CCDC91: variants seen among roughly 807,000 people sequenced by gnomAD.
CCDC91 encodes the protein coiled-coil domain containing 91.
Under a neutral mutation model 63.2 loss-of-function variants are expected in CCDC91, and 48 were observed. That is an observed-to-expected ratio of 0.76 (90% CI 0.60 to 0.97). The LOEUF is 0.97. Ranked by LOEUF, CCDC91 falls within the 50% of genes least tolerant of loss-of-function variation. CCDC91 has a pLI of 0.00. For synonymous variants in CCDC91, 167 were observed against 165.8 expected (o/e 1.01, Z -0.06); for missense variants, 500 against 494.6 (o/e 1.01, Z -0.10).
intron 12 of CCDC91, among the ~76,000 whole-genome samples, chr12:28,496,995 TATC>T (rs1952335729): frequency 6.7e-6 from 1 of 148,838 alleles, no homozygotes; most frequent in Admixed American, 6.8e-5. Flanking sequence ...TGATTAAACT[TATC>T]ATTGTGTTAA....
At chr12:28,537,881 T>A (rs1942302573) in intron 12 of CCDC91, among the ~76,000 whole-genome samples, 1 of 152,154 alleles carries the variant, frequency 6.6e-6, no homozygotes, top group Admixed American at 6.5e-5. Context: ...CTTGGCTATT[T>A]CCAGCTGGGA....
At chr12:28,194,411 T>TA (rs1941559777) in intron 1 of CCDC91, among the ~76,000 whole-genome samples, 1 of 152,188 alleles carries the variant, frequency 6.6e-6, no homozygotes, top group Non-Finnish European at 1.5e-5. Context: ...CAGTGAGTGT[T>TA]ACAGTTCTTG....
intron 6 of CCDC91, among the ~76,000 whole-genome samples, chr12:28,332,510 C>A (rs1941595617): frequency 6.6e-6 from 1 of 152,080 alleles, no homozygotes; most frequent in African/African-American, 2.4e-5. Flanking sequence ...CTGTATATTA[C>A]CTTTCATAGG....
chr12:28,248,117 G>A (rs1288935365), intron 1 of CCDC91, among the ~76,000 whole-genome samples: 2 of 152,128 alleles, frequency 1.3e-5, no homozygotes, highest in African/African-American at 2.4e-5. Flanking sequence ...TATATATGGG[G>A]TGAGAGAGAG....
chr12:28,196,712 A>G (rs1358584957), intron 1 of CCDC91, among the ~76,000 whole-genome samples: 2 of 152,226 alleles, frequency 1.3e-5, no homozygotes, highest in Non-Finnish European at 2.9e-5. Flanking sequence ...TGATTACAGT[A>G]GAAAGTTGGA....
rs78364236 is a variant in CCDC91 at position 28,419,531 on chromosome 12, A to G, written c.762+28120A>G. 1.8e-4 allele frequency among the ~76,000 whole-genome samples: 28 copies of G among 152,312 alleles called. No homozygotes were observed. The East Asian group carries it at 4.8e-3, about 26-fold the overall frequency. ...ATAAAAAGTAAGCAGATGTAGCAGT[A>G]TTAGCAAAATGGCTACTTTTGTCTA... On this transcript the variant is annotated intron_variant, in intron 8 of 12. Transcript: ENST00000536442.
chr12:28,239,842 G>A (rs1264846167), intron 1 of CCDC91, among the ~76,000 whole-genome samples: 1 of 152,042 alleles, frequency 6.6e-6, no homozygotes, highest in Admixed American at 6.6e-5. Flanking sequence ...AGTACTAGAA[G>A]GAGATAAGAT....
At chr12:28,454,930 C>T (rs574408407) in intron 11 of CCDC91, among the ~76,000 whole-genome samples, 1 of 152,130 alleles carries the variant, frequency 6.6e-6, no homozygotes, top group African/African-American at 2.4e-5. Flanking sequence ...TTTGTGCATG[C>T]GTCGTTGTAA....
chr12:28,482,239 G>A (rs1388584995), intron 11 of CCDC91, among the ~76,000 whole-genome samples: 1 of 151,724 alleles, frequency 6.6e-6, no homozygotes, highest in Non-Finnish European at 1.5e-5. Context: ...ATTTGCAAGT[G>A]TGAAGTCTAT....
rs879774391 is a variant in CCDC91, at chr12:28,315,806, G to GT, written c.576+8069dup. ...TTTGTGCCCTCAACAGGTAATTCCT[G>GT]TTTTTTTTTTTTAATCCTTGTAGAA... On this transcript the variant is annotated intron_variant, in intron 6 of 12. Coordinates refer to ENST00000536442, the MANE Select transcript of CCDC91 (RefSeq NM_018318.5). 2.2e-3 allele frequency among the ~76,000 whole-genome samples: 317 copies of GT among 143,208 alleles called. 1 individual carries two copies. The highest frequency in any genetic ancestry group is 5.2e-3 in the African/African-American group (204 of 39,306). 94.0% of individuals were successfully genotyped at this position (143,208 alleles called of 152,430 possible).
At chr12:28,510,338 G>C (rs1939239723) in intron 12 of CCDC91, among the ~76,000 whole-genome samples, 1 of 151,534 alleles carries the variant, frequency 6.6e-6, no homozygotes, top group Admixed American at 6.6e-5. Flanking sequence ...CAATAAGCTG[G>C]AAACCCAGGA....
intron 1 of CCDC91, chr12:28,225,980 A>G (rs1052439453): frequency 3.3e-5 from 5 of 152,240 alleles, no homozygotes; most frequent in African/African-American, 1.2e-4. Context: ...GTGAAGCTAA[A>G]TATAGGAGGC....
chr12:28,283,916 G>C (rs1948754462), intron 3 of CCDC91, among the ~76,000 whole-genome samples: 1 of 152,154 alleles, frequency 6.6e-6, no homozygotes, highest in African/African-American at 2.4e-5. Flanking sequence ...TGCACAATCT[G>C]TGTTAGTAAT....
intron 1 of CCDC91, among the ~76,000 whole-genome samples, chr12:28,219,718 C>T (rs1943809741): frequency 6.6e-6 from 1 of 152,140 alleles, no homozygotes. Flanking sequence ...CATGGTCCTC[C>T]TGCCTTGGCC....
intron 3 of CCDC91, among the ~76,000 whole-genome samples, chr12:28,284,973 A>C (rs1948827110): frequency 6.6e-6 from 1 of 152,224 alleles, no homozygotes; most frequent in Non-Finnish European, 1.5e-5. Flanking sequence ...TTTTTGAGGA[A>C]TATTCTCTAA....
chr12:28,366,303 C>A (rs1302933417), intron 7 of CCDC91, among the ~76,000 whole-genome samples: 1 of 152,202 alleles, frequency 6.6e-6, no homozygotes, highest in South Asian at 2.1e-4. Context: ...CCCTTTTTGT[C>A]CCACTAAAGC....
At chr12:28,367,443 A>C (rs866752358) in intron 7 of CCDC91, among the ~76,000 whole-genome samples, 1 of 152,332 alleles carries the variant, frequency 6.6e-6, no homozygotes, top group Middle Eastern at 3.4e-3. Flanking sequence ...CAATTCGAAC[A>C]GTATAGAGAA....
intron 12 of CCDC91, among the ~76,000 whole-genome samples, chr12:28,488,847 A>G (rs1475159454): frequency 6.6e-6 from 1 of 152,002 alleles, no homozygotes. Flanking sequence ...TTTTATTAAA[A>G]TGTAAATTTT....
chr12:28,295,658 A>G lies in CCDC91; in HGVS notation c.110-9991A>G, dbSNP rs184478854. 1.3e-5 allele frequency among the ~76,000 whole-genome samples: 2 copies of G among 152,238 alleles called. 1 individual carries two copies. The highest frequency in any genetic ancestry group is 4.8e-5 in the African/African-American group (2 of 41,576). On this transcript the variant is annotated intron_variant, in intron 3 of 12. Transcript: ENST00000536442. Reference sequence around the variant, plus strand: ...GCTACTCTACGATTGTATTTTGAATAAGTGATTAGATAAATGAGTCCAATA... The same window carrying G: ...GCTACTCTACGATTGTATTTTGAATGAGTGATTAGATAAATGAGTCCAATA...
Sources: allele counts gnomAD v4.1 joint callset (sites outside exome capture counted in the v4.1 genomes callset), GRCh38; gene constraint gnomAD v4.1.1; transcripts MANE v1.5; gene names NCBI Gene and HGNC (gene_info 2026-07-23, HGNC 2026-07-21).